The following RNF11 variants were observed in gnomAD, a reference collection of about 807,000 sequenced individuals.
RNF11 encodes ring finger protein 11.
A neutral mutation model predicts 15.8 loss-of-function variants in RNF11; 4 were observed. That is an observed-to-expected ratio of 0.25 (90% CI 0.12 to 0.58). The LOEUF is 0.58. Among genes scored for constraint, RNF11 ranks in the 20% least tolerant of loss-of-function variants. The pLI is 0.91. For missense variants in RNF11, 139 were observed against 194.4 expected (o/e 0.71, Z 1.70); for synonymous variants, 68 against 72.3 (o/e 0.94, Z 0.30).
intron 1 of RNF11, chr1:51,250,789 C>A: frequency 7.0e-7 from 1 of 1,423,624 alleles, no homozygotes; most frequent in South Asian, 1.1e-5. Context: ...CCCAGGGTGG[C>A]AGTGCAGCCC....
At chr1:51,260,819 A>G (rs1646927689) in intron 1 of RNF11, among the ~76,000 whole-genome samples, 1 of 152,208 alleles carries the variant, frequency 6.6e-6, no homozygotes, top group Non-Finnish European at 1.5e-5. Flanking sequence ...GCAACTCCCA[A>G]TAGAGAGATC....
At chr1:51,262,541 C>CT (rs1031500214) in intron 1 of RNF11, among the ~76,000 whole-genome samples, 44 of 151,388 alleles carry the variant, frequency 2.9e-4, no homozygotes, top group African/African-American at 6.1e-4. Flanking sequence ...AATATTTGGG[C>CT]TTTTTTTTGT....
chr1:51,253,479 C>T (rs933881402), intron 1 of RNF11, among the ~76,000 whole-genome samples: 1 of 147,074 alleles, frequency 6.8e-6, no homozygotes, highest in Admixed American at 6.8e-5. Flanking sequence ...GATATGATCA[C>T]ACCACTACAC....
intron 1 of RNF11, among the ~76,000 whole-genome samples, chr1:51,240,546 G>T (rs188575999): frequency 1.3e-5 from 2 of 151,786 alleles, no homozygotes; most frequent in African/African-American, 4.9e-5. Flanking sequence ...GAGGAAAGGG[G>T]ATTTTTTTTT....
chr1:51,265,315 C>T (rs1281490766), intron 1 of RNF11: 2 of 149,386 alleles, frequency 1.3e-5, no homozygotes, highest in African/African-American at 2.5e-5. Context: ...CAGAGTGAGA[C>T]CCTGTCTCCA....
chr1:51,252,081 CAAAAAAAA>C (rs928146865), intron 1 of RNF11, among the ~76,000 whole-genome samples: 5 of 53,638 alleles, frequency 9.3e-5, no homozygotes, highest in Admixed American at 2.2e-4. Flanking sequence ...CATCTCAAAG[CAAAAAAAA>C]AAAAAAAAAA....
intron 2 of RNF11, among the ~76,000 whole-genome samples, chr1:51,270,473 C>T (rs1490325487): frequency 6.6e-6 from 1 of 152,130 alleles, no homozygotes; most frequent in Admixed American, 6.6e-5. Context: ...ATTAGCCAGG[C>T]ATGGTGGCAC....
At chr1:51,264,181 C>T (rs1277257911) in intron 1 of RNF11, among the ~76,000 whole-genome samples, 1 of 142,684 alleles carries the variant, frequency 7.0e-6, no homozygotes, top group Non-Finnish European at 1.5e-5. Flanking sequence ...CACTTGAGCC[C>T]GGGGGGTCGT....
At position 51,257,939 on chromosome 1, in the gene RNF11, C is replaced by T. The variant is rs941434520; in HGVS notation, c.124-12017C>T. 4.1e-5 allele frequency among the ~76,000 whole-genome samples: 6 copies of T among 145,478 alleles called. 1 individual carries two copies. The highest frequency in any genetic ancestry group is 1.6e-4 in the African/African-American group (6 of 38,364). ...TGCAATCTTGGCTCACTGAAACCTC[C>T]GCCTCCCAGGGTCAAGCAGTTCTCC... On this transcript the variant is annotated intron_variant, in intron 1 of 2. Coordinates refer to ENST00000242719, the MANE Select transcript of RNF11 (RefSeq NM_014372.5).
intron 1 of RNF11, among the ~76,000 whole-genome samples, chr1:51,252,842 G>A (rs1288441431): frequency 8.2e-6 from 1 of 121,316 alleles, no homozygotes; most frequent in South Asian, 2.5e-4. Context: ...TGTGTTTGGG[G>A]GGGACAGAGA....
chr1:51,243,190 A>C (rs780050154), intron 1 of RNF11, among the ~76,000 whole-genome samples: 3 of 152,220 alleles, frequency 2.0e-5, no homozygotes, highest in Non-Finnish European at 4.4e-5. Context: ...ATGATACATT[A>C]AACTTGTAAG....
chr1:51,263,383 C>T (rs186014725), intron 1 of RNF11, among the ~76,000 whole-genome samples: 2 of 152,294 alleles, frequency 1.3e-5, no homozygotes, highest in African/African-American at 4.8e-5. Context: ...GAAAGTCGAG[C>T]CACAAAAGAC....
chr1:51,258,878 T>C (rs1263550193), intron 1 of RNF11, among the ~76,000 whole-genome samples: 1 of 152,200 alleles, frequency 6.6e-6, no homozygotes, highest in Non-Finnish European at 1.5e-5. Context: ...CAGTGTAATG[T>C]GGATGTGTTT....
At chr1:51,252,004 G>A (rs1646880100) in intron 1 of RNF11, among the ~76,000 whole-genome samples, 1 of 149,650 alleles carries the variant, frequency 6.7e-6, no homozygotes, top group African/African-American at 2.5e-5. Context: ...GCTTGAATCC[G>A]GGAGACAGGT....
At chr1:51,248,063 G>C (rs1569659742) in intron 1 of RNF11, among the ~76,000 whole-genome samples, 1 of 149,544 alleles carries the variant, frequency 6.7e-6, no homozygotes, top group East Asian at 2.0e-4. Context: ...GGCCTTAAGG[G>C]TAAGAAATAC....
intron 1 of RNF11, among the ~76,000 whole-genome samples, chr1:51,255,369 C>T (rs1646899766): frequency 3.3e-5 from 5 of 152,306 alleles, no homozygotes; most frequent in Middle Eastern, 3.4e-3. Context: ...AAGCGATCCA[C>T]CTGCCTCAGC....
intron 1 of RNF11, among the ~76,000 whole-genome samples, chr1:51,255,854 A>G (rs1646902017): frequency 6.6e-6 from 1 of 152,118 alleles, no homozygotes; most frequent in Non-Finnish European, 1.5e-5. Context: ...CTAGTACTGT[A>G]CTGTAGCTTT....
At chr1:51,244,865 A>G (rs1469663572) in intron 1 of RNF11, among the ~76,000 whole-genome samples, 1 of 152,194 alleles carries the variant, frequency 6.6e-6, no homozygotes, top group Non-Finnish European at 1.5e-5. Flanking sequence ...CACTAAGAGT[A>G]AGATAGTCTG....
intron 1 of RNF11, among the ~76,000 whole-genome samples, chr1:51,253,123 CGTT>C (rs1398916742): frequency 2.0e-5 from 3 of 151,976 alleles, no homozygotes; most frequent in African/African-American, 4.8e-5. Context: ...CCACGCCCGA[CGTT>C]GTCCAGTTTT....
Sources: gnomAD v4.1 joint callset for allele counts (sites outside exome capture counted in the v4.1 genomes callset) on GRCh38, gnomAD v4.1.1 for gene constraint, MANE v1.5 for transcripts, NCBI Gene and HGNC (gene_info 2026-07-23, HGNC 2026-07-21) for gene names.